CNNM3: variants seen among roughly 807,000 people sequenced by gnomAD.
CNNM3 encodes the protein metal transporter CNNM3.
A neutral mutation model predicts 57.1 loss-of-function variants in CNNM3; 47 were observed. The ratio of observed to expected loss-of-function variants is 0.82; its 90% confidence interval spans 0.65 to 1.05. The LOEUF (loss-of-function observed/expected upper bound fraction) is 1.05, where lower values mean the gene tolerates loss of function less well. Ranked by LOEUF, CNNM3 falls within the 50% of genes least tolerant of loss-of-function variation. The pLI is 0.00. For synonymous variants in CNNM3, 507 were observed against 478.2 expected, an observed-to-expected ratio of 1.06 and a Z score of -0.79; for missense variants, 957 against 973.7, an observed-to-expected ratio of 0.98 and a Z score of 0.23.
rs1026985678 is a variant in CNNM3, at chr2:96,817,351, C to T, written c.1074C>T (p.Asn358=). Residue 358 remains asparagine, a synonymous_variant, in exon 1 of 8, where the codon AAC becomes AAT. Transcript: ENST00000305510. The part of the protein sequence containing the change: ...RIPVYEEERS[N]IVDMLYLKDL... ...CGGTGTACGAGGAGGAGCGCTCCAACATCGTGGACATGCTCTACCTCAAGG... is the reference window on the plus strand; with the variant it reads ...CGGTGTACGAGGAGGAGCGCTCCAATATCGTGGACATGCTCTACCTCAAGG... 2 of 1,614,194 alleles carry T rather than the reference C, an allele frequency of 1.2e-6. No homozygotes were observed. The highest frequency in any genetic ancestry group is 3.3e-5 in the Admixed American group (2 of 60,034).
chr2:96,824,205 CTG>C (rs1326936055), intron 1 of CNNM3, among the ~76,000 whole-genome samples: 1 of 152,192 alleles, frequency 6.6e-6, no homozygotes. Flanking sequence ...CCCCAGCACT[CTG>C]AGACTTGGGC....
At position 96,826,770 on chromosome 2, in the gene CNNM3, T is replaced by C. The variant is rs199979659; in HGVS notation, c.1370-63T>C. On this transcript the variant is annotated intron_variant, in intron 2 of 7. Coordinates refer to ENST00000305510, the MANE Select transcript of CNNM3 (RefSeq NM_017623.5). ...GGAAGGAGCAGGCGATGCAGCCCCTTAGTGTGGTCGTGTTGACTGACAGGT... is the reference window on the plus strand; with the variant it reads ...GGAAGGAGCAGGCGATGCAGCCCCTCAGTGTGGTCGTGTTGACTGACAGGT... 2,552 of 1,596,462 alleles carry C rather than the reference T, an allele frequency of 1.6e-3. 10 individuals carry two copies. The highest frequency in any genetic ancestry group is 7.9e-3 in the Middle Eastern group (40 of 5,038).
Position 96,828,625 on chromosome 2 carries a change from A to T in CNNM3, c.1845A>T (p.Pro615=). 6.2e-7 allele frequency: 1 copy of T among 1,614,184 alleles called. No individual in the cohort carries two copies. Residue 615 remains proline, a synonymous_variant, in exon 6 of 8, where the codon CCA becomes CCT. Transcript: ENST00000305510. ...QPIRHDLQPD[P]GDGTHSSAYC... ...TCCGCCATGACCTGCAGCCCGACCC[A>T]GGTGACGGCACGCATTCATCTGCGT...
At chr2:96,818,659 A>G (rs1303551929) in intron 1 of CNNM3, among the ~76,000 whole-genome samples, 1 of 152,222 alleles carries the variant, frequency 6.6e-6, no homozygotes, top group African/African-American at 2.4e-5. Flanking sequence ...AGGTAAAACC[A>G]GTACCCTCCG....
In CNNM3 at chr2:96,817,810, TTCCCTC is replaced by T. The variant is rs906080021; in HGVS notation, c.1225+313_1225+318del. Among the ~76,000 whole-genome samples the T allele has an allele frequency of 7.2e-5, 11 of 152,096 alleles. No homozygotes were observed. In the East Asian group the frequency reaches 2.1e-3, roughly 29 times the overall value. On this transcript the variant is annotated intron_variant, in intron 1 of 7. Coordinates refer to ENST00000305510, the MANE Select transcript of CNNM3 (RefSeq NM_017623.5). ...GCTTGTCCTCTAATCCCCCAGCTCT[TTCCCTC>T]TCCCAGAGTGTTTCTGTGTGCTTGA...
intron 7 of CNNM3, among the ~76,000 whole-genome samples, chr2:96,830,405 A>C (rs1385029523): frequency 2.0e-5 from 3 of 152,214 alleles, no homozygotes; most frequent in Non-Finnish European, 4.4e-5. Context: ...GCCAGAGAGA[A>C]GGCCCAGGGA....
chr2:96,816,703 C>A lies in CNNM3; in HGVS notation c.426C>A (p.Ala142=). The stretch of plus-strand genomic sequence containing the variant: ...CCTGGGCTCTGGGCCTGGGGGCGGC[C>A]GGGCTGCTGGCGCTGGCAGCGCTGG... ...APPWALGLGA[A]GLLALAALAR... The change falls in exon 1 of 8, where the codon GCC becomes GCA. Residue 142 remains alanine (A), a synonymous_variant. Transcript: ENST00000305510. 9.9e-7 allele frequency: 1 copy of A among 1,013,594 alleles called. No individual in the cohort carries two copies. Among genetic ancestry groups the A allele is most frequent in the Non-Finnish European group, 1.2e-6 (1 of 850,418 alleles). 62.8% of individuals were successfully genotyped at this position (1,013,594 alleles called of 1,614,324 possible). A position where few individuals can be genotyped will look rare whatever the true frequency, so the allele number is the denominator to read the frequency against.
chr2:96,819,719 G>T (rs532193644), intron 1 of CNNM3, among the ~76,000 whole-genome samples: 14 of 152,280 alleles, frequency 9.2e-5, no homozygotes, highest in Admixed American at 3.3e-4. Flanking sequence ...GCTGGCTGCT[G>T]CTTTCAACAG....
rs1559005440 is a variant in CNNM3 at position 96,817,043 on chromosome 2, C to T, written c.766C>T (p.Leu256Phe). 58 of 1,371,116 alleles carry T rather than the reference C, an allele frequency of 4.2e-5. No individual in the cohort carries two copies. Among genetic ancestry groups the T allele is most frequent in the Non-Finnish European group, 5.4e-5 (57 of 1,060,496 alleles). 84.9% of individuals were successfully genotyped at this position (1,371,116 alleles called of 1,614,324 possible). A position where few individuals can be genotyped will look rare whatever the true frequency, so the allele number is the denominator to read the frequency against. The change falls in exon 1 of 8, where the codon CTC becomes TTC. Residue 256 changes from leucine to phenylalanine, a missense_variant. Physicochemically the swap from Leu to Phe is conservative, Grantham distance 22. Around this residue, in one of 2 missense-constraint regions of CNNM3, gnomAD observed 466 missense variants for 403.1 expected, o/e 1.16. Coordinates refer to ENST00000305510, the MANE Select transcript of CNNM3 (RefSeq NM_017623.5). The part of the protein sequence containing the change: ...RWTLALAPRA[L>F]GLSRLAVLLT... ...GACGCTGGCGCTGGCGCCGCGAGCG[C>T]TCGGCCTCAGCCGCCTGGCCGTCCT...
rs143210079 is a variant in CNNM3 at position 96,834,886 on chromosome 2, T to A, written c.*2270T>A. Reference sequence around the variant, plus strand: ...CTTTATATTTTGAAATAATTTCAGATGATAGGAAGTTGTAAAGGTAAGGGC... The same window carrying A: ...CTTTATATTTTGAAATAATTTCAGAAGATAGGAAGTTGTAAAGGTAAGGGC... On this transcript the variant is annotated 3_prime_UTR_variant, in exon 8 of 8. Transcript: ENST00000305510. 1.8e-3 allele frequency among the ~76,000 whole-genome samples: 269 copies of A among 152,324 alleles called. 3 individuals are homozygous for A. Among genetic ancestry groups the A allele is most frequent in the Admixed American group, 0.014 (220 of 15,290 alleles).
chr2:96,818,172 G>A (rs1313971522), intron 1 of CNNM3, among the ~76,000 whole-genome samples: 1 of 152,026 alleles, frequency 6.6e-6, no homozygotes, highest in African/African-American at 2.4e-5. Context: ...TGCAACTTTC[G>A]CCTCCCAGGT....
At position 96,816,753 on chromosome 2, in the gene CNNM3, T is replaced by G. The variant is rs1227397205; in HGVS notation, c.476T>G (p.Leu159Arg). Residue 159 changes from leucine (L) to arginine (R), a missense_variant, in exon 1 of 8, where the codon CTG (leucine) becomes CGG (arginine). Coordinates refer to ENST00000305510, the MANE Select transcript of CNNM3 (RefSeq NM_017623.5). ...GCGCGAGGCCTGCAGCTGAGCGCGCTGGCGCTGGCGCCTGCCGAGGTGCAG... is the reference window on the plus strand; with the variant it reads ...GCGCGAGGCCTGCAGCTGAGCGCGCGGGCGCTGGCGCCTGCCGAGGTGCAG... ...ALARGLQLSA[L>R]ALAPAEVQVL... 14 of 1,017,142 alleles carry G rather than the reference T, an allele frequency of 1.4e-5. No individual in the cohort carries two copies. In the East Asian group the frequency reaches 1.4e-3, roughly 99 times the overall value. The allele number at this position is 1,017,142 out of a possible 1,614,324, so 63.0% of individuals were successfully genotyped here. A position where few individuals can be genotyped will look rare whatever the true frequency, so the allele number is the denominator to read the frequency against.
At position 96,817,084 on chromosome 2, in the gene CNNM3, C is replaced by T. The variant is rs1244248107; in HGVS notation, c.807C>T (p.Val269=). 1.5e-6 allele frequency: 2 copies of T among 1,346,694 alleles called. No homozygotes were observed. The highest frequency in any genetic ancestry group is 3.1e-5 in the African/African-American group (2 of 64,674). The allele number at this position is 1,346,694 out of a possible 1,614,324, so 83.4% of individuals were successfully genotyped here. The change falls in exon 1 of 8, where the codon GTC becomes GTT. Residue 269 remains valine (V), a synonymous_variant. Coordinates refer to ENST00000305510, the MANE Select transcript of CNNM3 (RefSeq NM_017623.5). The part of the protein sequence containing the change: ...SRLAVLLTLP[V]ALPVGQLLEL... ...TGGCCGTCCTGCTCACTCTGCCCGT[C>T]GCGCTGCCCGTGGGGCAGCTGCTGG...
Position 96,816,273 on chromosome 2 carries a change from A to G in CNNM3, c.-5A>G. 1 of 1,311,038 alleles carries G rather than the reference A, an allele frequency of 7.6e-7. No individual in the cohort carries two copies. The highest frequency in any genetic ancestry group is 3.5e-5 in the Admixed American group (1 of 28,676). The allele number at this position is 1,311,038 out of a possible 1,614,324, so 81.2% of individuals were successfully genotyped here. A position where few individuals can be genotyped will look rare whatever the true frequency, so the allele number is the denominator to read the frequency against. ...GCGCGAGAGGCCGAGAGGGGGCAGCAGGCGATGGCGGCGGCGGTAGCTGCG... is the reference window on the plus strand; with the variant it reads ...GCGCGAGAGGCCGAGAGGGGGCAGCGGGCGATGGCGGCGGCGGTAGCTGCG... On this transcript the variant is annotated 5_prime_UTR_variant, in exon 1 of 8. Transcript: ENST00000305510.
chr2:96,816,762 C>T lies in CNNM3; in HGVS notation c.485C>T (p.Ala162Val), dbSNP rs1425819731. Reference protein sequence around the residue: ...RGLQLSALALAPAEVQVLRES... With the variant: ...RGLQLSALALVPAEVQVLRES... ...CTGCAGCTGAGCGCGCTGGCGCTGG[C>T]GCCTGCCGAGGTGCAGGTGCTGCGC... Residue 162 changes from alanine (A) to valine (V), a missense_variant, in exon 1 of 8, where the codon GCG becomes GTG. Ala to Val is a moderately conservative substitution (Grantham distance 64). Coordinates refer to ENST00000305510, the MANE Select transcript of CNNM3 (RefSeq NM_017623.5). 2 of 1,018,888 alleles carry T rather than the reference C, an allele frequency of 2.0e-6. No individual in the cohort carries two copies. The highest frequency in any genetic ancestry group is 4.4e-5 in the South Asian group (1 of 22,744). 63.1% of individuals were successfully genotyped at this position (1,018,888 alleles called of 1,614,324 possible).
Position 96,831,027 on chromosome 2 carries a change from A to G in CNNM3, c.2060-1525A>G, listed in dbSNP as rs187210261. 2.6e-5 allele frequency among the ~76,000 whole-genome samples: 4 copies of G among 152,336 alleles called. No individual in the cohort carries two copies. The East Asian group carries it at 7.7e-4, about 29-fold the overall frequency. On this transcript the variant is annotated intron_variant, in intron 7 of 7. Coordinates refer to ENST00000305510, the MANE Select transcript of CNNM3 (RefSeq NM_017623.5). ...TCAGACTGCACGTGTTGTAGTGAAGATACAGACCTAATCCCAAAATAATGC... is the reference window on the plus strand; with the variant it reads ...TCAGACTGCACGTGTTGTAGTGAAGGTACAGACCTAATCCCAAAATAATGC...
chr2:96,819,502 G>A (rs939319443), intron 1 of CNNM3, among the ~76,000 whole-genome samples: 2 of 152,196 alleles, frequency 1.3e-5, no homozygotes, highest in African/African-American at 2.4e-5. Context: ...TTCTTACTCC[G>A]GGACAGGCTC....
chr2:96,826,724 G>C, intron 2 of CNNM3, 109 bp from the exon 3 acceptor site: 1 of 1,342,256 alleles, frequency 7.5e-7, no homozygotes, highest in Non-Finnish European at 1.0e-6. Flanking sequence ...CTGCTCCATC[G>C]AGGACCCCCT....
At chr2:96,835,940 C>T (rs575847350), downstream of CNNM3, among the ~76,000 whole-genome samples, 9 of 152,246 alleles carry the variant, frequency 5.9e-5, no homozygotes, top group East Asian at 1.9e-4. Context: ...ACCTGTGTTT[C>T]GCTTCAGTGG....
Sources: gnomAD v4.1 joint callset for allele counts (sites outside exome capture counted in the v4.1 genomes callset) on GRCh38, gnomAD v4.1.1 for gene constraint, gnomAD v4.1.1 regional missense constraint, MANE v1.5 for transcripts, NCBI Gene and HGNC (gene_info 2026-07-23, HGNC 2026-07-21) for gene names.